PDZRN3: variants seen among roughly 807,000 people sequenced by gnomAD.
The protein encoded by PDZRN3 is PDZ domain containing ring finger 3, also known as E3 ubiquitin-protein ligase PDZRN3.
PDZRN3 carries 38 observed loss-of-function variants against 85.7 expected under a neutral mutation model. That is an observed-to-expected ratio of 0.44 (90% CI 0.34 to 0.58). The LOEUF (loss-of-function observed/expected upper bound fraction) is 0.58, where lower values mean the gene tolerates loss of function less well. Among genes scored for constraint, PDZRN3 ranks in the 20% least tolerant of loss-of-function variants. PDZRN3 has a pLI of 0.01. For missense variants in PDZRN3, 1,629 were observed against 1,506.4 expected, an observed-to-expected ratio of 1.08 and a Z score of -1.35; for synonymous variants, 759 against 638.0, an observed-to-expected ratio of 1.19 and a Z score of -2.86.
intron 5 of PDZRN3, among the ~76,000 whole-genome samples, chr3:73,399,284 G>A (rs1021371782): frequency 1.1e-4 from 17 of 152,092 alleles, no homozygotes; most frequent in African/African-American, 3.1e-4. Context: ...AAGCAGTGTC[G>A]TCCCATAAAG....
chr3:73,442,585 A>C (rs1231925506), intron 3 of PDZRN3, among the ~76,000 whole-genome samples: 1 of 152,240 alleles, frequency 6.6e-6, no homozygotes, highest in Non-Finnish European at 1.5e-5. Context: ...CATTAAGTTA[A>C]AAGAATTAGG....
intron 3 of PDZRN3, among the ~76,000 whole-genome samples, chr3:73,501,715 T>C (rs1703982828): frequency 6.6e-6 from 1 of 152,176 alleles, no homozygotes. Context: ...ATCCACATTC[T>C]AAAACAAGTC....
At chr3:73,608,528 C>T (rs987693059) in intron 2 of PDZRN3, 70 bp downstream of exon 2, 3 of 1,007,324 alleles carry the variant, frequency 3.0e-6, no homozygotes, top group South Asian at 2.7e-5. Context: ...CTCACTGTCC[C>T]CTTCAAACCT....
At chr3:73,516,691 C>T (rs1158936490) in intron 3 of PDZRN3, among the ~76,000 whole-genome samples, 2 of 152,184 alleles carry the variant, frequency 1.3e-5, no homozygotes, top group Non-Finnish European at 2.9e-5. Flanking sequence ...TAGATTCAGA[C>T]CTATAAATAG....
chr3:73,432,660 A>T (rs927157200), intron 3 of PDZRN3, among the ~76,000 whole-genome samples: 1 of 152,018 alleles, frequency 6.6e-6, no homozygotes, highest in African/African-American at 2.4e-5. Flanking sequence ...TGACACTCAA[A>T]TCAAATTCTT....
chr3:73,519,539 A>C (rs886562229), intron 3 of PDZRN3, among the ~76,000 whole-genome samples: 1 of 152,176 alleles, frequency 6.6e-6, no homozygotes, highest in Non-Finnish European at 1.5e-5. Flanking sequence ...GTTCAATATT[A>C]ATTTAAAAAG....
intron 3 of PDZRN3, among the ~76,000 whole-genome samples, chr3:73,515,221 G>A (rs1704236367): frequency 7.3e-6 from 1 of 137,868 alleles, no homozygotes; most frequent in South Asian, 2.4e-4. Flanking sequence ...TCTCACCCAG[G>A]CTGGAATGCA....
chr3:73,548,596 T>C (rs1345829448), intron 3 of PDZRN3, among the ~76,000 whole-genome samples: 2 of 152,238 alleles, frequency 1.3e-5, no homozygotes, highest in African/African-American at 4.8e-5. Flanking sequence ...ATTGGTAATC[T>C]TGGCCTCTGC....
chr3:73,490,078 G>C (rs1041287396), intron 3 of PDZRN3, among the ~76,000 whole-genome samples: 1 of 152,168 alleles, frequency 6.6e-6, no homozygotes, highest in African/African-American at 2.4e-5. Context: ...ATTTTAATTG[G>C]TACGATCTGC....
At chr3:73,453,039 A>G (rs1338047457) in intron 3 of PDZRN3, among the ~76,000 whole-genome samples, 1 of 152,174 alleles carries the variant, frequency 6.6e-6, no homozygotes, top group African/African-American at 2.4e-5. Flanking sequence ...TACAAGGAAG[A>G]AATGGAGTAT....
chr3:73,476,770 T>C (rs1213059253), intron 3 of PDZRN3, among the ~76,000 whole-genome samples: 1 of 152,162 alleles, frequency 6.6e-6, no homozygotes, highest in Admixed American at 6.6e-5. Context: ...CTCTTACCAA[T>C]AGCCAGTGAA....
In PDZRN3 at chr3:73,416,618, A is replaced by G. The variant is rs750425865; in HGVS notation, c.919-12223T>C. On this transcript the variant is annotated intron_variant, in intron 3 of 9. Transcript: ENST00000263666. ...ACTCTGGAATCATTTATCTCCCCCC[A>G]CAGGAAGGTTGGATGCAGAAGGAAG... Among the ~76,000 whole-genome samples, 11 of 152,106 alleles carry G rather than the reference A, an allele frequency of 7.2e-5. 1 individual carries two copies. The highest frequency in any genetic ancestry group is 5.9e-5 in the Non-Finnish European group (4 of 68,030).
intron 3 of PDZRN3, among the ~76,000 whole-genome samples, chr3:73,430,183 A>G (rs979674577): frequency 1.3e-5 from 2 of 152,198 alleles, no homozygotes; most frequent in Admixed American, 6.5e-5. Flanking sequence ...AGTATCACCT[A>G]TCTCTTCATG....
At position 73,489,575 on chromosome 3, in the gene PDZRN3, C is replaced by CTTTTTTTTTTTTTTTTTT. The variant is rs371602592; in HGVS notation, c.919-85181_919-85180insAAAAAAAAAAAAAAAAAA. On this transcript the variant is annotated intron_variant, in intron 3 of 9. Transcript: ENST00000263666. ...GCCATGCATATGGGCAGTTTCTTTTCTTTTTTTTTTTTTTTGAGATGGAGT... is the reference window on the plus strand; with the variant it reads ...GCCATGCATATGGGCAGTTTCTTTTCTTTTTTTTTTTTTTTTTTTTTTTTTTTTTTTTTGAGATGGAGT... Among the ~76,000 whole-genome samples the CTTTTTTTTTTTTTTTTTT allele has an allele frequency of 3.6e-3, 286 of 80,092 alleles. 40 individuals are homozygous for CTTTTTTTTTTTTTTTTTT. Among genetic ancestry groups the CTTTTTTTTTTTTTTTTTT allele is most frequent in the African/African-American group, 5.7e-3 (118 of 20,774 alleles). 52.5% of individuals were successfully genotyped at this position (80,092 alleles called of 152,430 possible). A position where few individuals can be genotyped will look rare whatever the true frequency, so the allele number is the denominator to read the frequency against.
intron 5 of PDZRN3, among the ~76,000 whole-genome samples, chr3:73,396,918 C>G (rs563934059): frequency 6.6e-6 from 1 of 152,098 alleles, no homozygotes; most frequent in African/African-American, 2.4e-5. Context: ...GGGTGTAATC[C>G]CTTTAACTCT....
chr3:73,603,932 C>A (rs1702556237), intron 2 of PDZRN3, among the ~76,000 whole-genome samples: 1 of 151,344 alleles, frequency 6.6e-6, no homozygotes, highest in Non-Finnish European at 1.5e-5. Flanking sequence ...ATATGATTCA[C>A]CAAAAGAAAC....
rs111866005 is a variant in PDZRN3, at chr3:73,429,531, A to G, written c.919-25136T>C. On this transcript the variant is annotated intron_variant, in intron 3 of 9. Transcript: ENST00000263666. ...ATGCAAGCAGGATTGTGCAAAGTCAAGTTTCCAGACTTCTCCATAAACTTG... is the reference window on the plus strand; with the variant it reads ...ATGCAAGCAGGATTGTGCAAAGTCAGGTTTCCAGACTTCTCCATAAACTTG... Among the ~76,000 whole-genome samples, 432 of 152,314 alleles carry G rather than the reference A, an allele frequency of 2.8e-3. 2 individuals are homozygous for G. The highest frequency in any genetic ancestry group is 9.9e-3 in the African/African-American group (413 of 41,576).
intron 3 of PDZRN3, among the ~76,000 whole-genome samples, chr3:73,428,554 G>C (rs757784483): frequency 6.6e-6 from 1 of 152,174 alleles, no homozygotes; most frequent in African/African-American, 2.4e-5. Flanking sequence ...AGGAAGTGCA[G>C]GGCACCTTGG....
chr3:73,393,091 T>C (rs1179101186), intron 5 of PDZRN3, among the ~76,000 whole-genome samples: 1 of 152,066 alleles, frequency 6.6e-6, no homozygotes. Context: ...CAACGAAATA[T>C]CACGACGGTT....
Sources: allele counts gnomAD v4.1 joint callset (sites outside exome capture counted in the v4.1 genomes callset), GRCh38; gene constraint gnomAD v4.1.1; transcripts MANE v1.5; gene names NCBI Gene and HGNC (gene_info 2026-07-23, HGNC 2026-07-21).